Variants in VMP1 observed in about 807,000 individuals in gnomAD.
VMP1 encodes the protein vacuole membrane protein 1, also known as ectopic P-granules autophagy protein 3 homolog.
Under a neutral mutation model 56.0 loss-of-function variants are expected in VMP1, and 11 were observed. That is an observed-to-expected ratio of 0.20 (90% CI 0.12 to 0.32). The LOEUF is 0.32. Among genes scored for constraint, VMP1 ranks in the 10% least tolerant of loss-of-function variants. The probability of loss-of-function intolerance (pLI) is 1.00; values close to 1 mark genes in which losing one functional copy is unlikely to be tolerated. For synonymous variants in VMP1, 149 were observed against 165.0 expected (o/e 0.90, Z 0.74); for missense variants, 296 against 490.3 (o/e 0.60, Z 3.74).
At chr17:59,727,033 C>T (rs539613434) in intron 1 of VMP1, among the ~76,000 whole-genome samples, 1 of 152,284 alleles carries the variant, frequency 6.6e-6, no homozygotes, top group South Asian at 2.1e-4. Context: ...GTTTAATCCT[C>T]AACCCTCTGA....
chr17:59,736,186 C>T (rs2035007990), intron 3 of VMP1, among the ~76,000 whole-genome samples: 6 of 151,978 alleles, frequency 3.9e-5, no homozygotes, highest in Admixed American at 3.9e-4. Context: ...GTGGGTGGAT[C>T]ATCTGAGGTC....
chr17:59,799,937 C>A, intron 7 of VMP1, among the ~76,000 whole-genome samples: 1 of 100,240 alleles, frequency 1.0e-5, no homozygotes. Flanking sequence ...AAGAGTGAGA[C>A]TTCCTCTCAA....
intron 1 of VMP1, among the ~76,000 whole-genome samples, chr17:59,716,652 A>G (rs1283262963): frequency 6.6e-6 from 1 of 152,260 alleles, no homozygotes; most frequent in Non-Finnish European, 1.5e-5. Context: ...GCTAAAAGCA[A>G]GGATAAAAAT....
At chr17:59,763,596 G>A (rs1416760693) in intron 5 of VMP1, among the ~76,000 whole-genome samples, 2 of 152,042 alleles carry the variant, frequency 1.3e-5, no homozygotes, top group African/African-American at 4.8e-5. Flanking sequence ...TATCACATAT[G>A]TGTGAACAAC....
At chr17:59,818,030 G>A (rs1287342591) in intron 10 of VMP1, among the ~76,000 whole-genome samples, 2 of 151,974 alleles carry the variant, frequency 1.3e-5, no homozygotes, top group Admixed American at 6.6e-5. Flanking sequence ...GAAGCTTTGG[G>A]GTTTGAATCT....
At chr17:59,825,569 C>A (rs994578645) in intron 10 of VMP1, among the ~76,000 whole-genome samples, 4 of 152,114 alleles carry the variant, frequency 2.6e-5, no homozygotes. Context: ...GCATATGACT[C>A]GCAGCAAACC....
chr17:59,830,385 A>T (rs1039164076), intron 10 of VMP1, among the ~76,000 whole-genome samples: 1 of 152,110 alleles, frequency 6.6e-6, no homozygotes, highest in African/African-American at 2.4e-5. Flanking sequence ...AAGTACCCTG[A>T]CCTGAATCTT....
Position 59,838,310 on chromosome 17 carries a change from A to C in VMP1, c.990A>C (p.Ile330=). The stretch of plus-strand genomic sequence containing the variant: ...CTGCTTCCAGTGCTGTCCCCGGCAT[A>C]GGTCCATCTCTGCAGAAGCCATTTC... ...MVAFIGAVPG[I]GPSLQKPFQE... is the part of the protein sequence containing the mutation. The change falls in exon 11 of 12, where the codon ATA becomes ATC. Residue 330 remains isoleucine, a synonymous_variant. Coordinates refer to ENST00000262291, the MANE Select transcript of VMP1 (RefSeq NM_030938.5). 6.2e-7 allele frequency: 1 copy of C among 1,613,970 alleles called. No individual in the cohort carries two copies. The highest frequency in any genetic ancestry group is 8.5e-7 in the Non-Finnish European group (1 of 1,180,000).
chr17:59,764,466 G>A (rs896881373), intron 5 of VMP1, among the ~76,000 whole-genome samples: 5 of 152,146 alleles, frequency 3.3e-5, no homozygotes. Context: ...TGGGACTACA[G>A]GCACATGCCA....
At chr17:59,738,753 G>A (rs955539902) in intron 4 of VMP1, 84 bp from the exon 5 acceptor site, 3 of 1,024,452 alleles carry the variant, frequency 2.9e-6, no homozygotes, top group African/African-American at 3.3e-5. Flanking sequence ...ACTTACTTTA[G>A]TTGATTTAAT....
chr17:59,724,968 A>G (rs2034544188), intron 1 of VMP1, among the ~76,000 whole-genome samples: 1 of 141,450 alleles, frequency 7.1e-6, no homozygotes, highest in South Asian at 2.5e-4. Flanking sequence ...TCTGTCTCAA[A>G]AAAAAAAACA....
intron 9 of VMP1, among the ~76,000 whole-genome samples, chr17:59,815,548 A>G (rs1184471936): frequency 6.8e-6 from 1 of 146,226 alleles, no homozygotes; most frequent in Admixed American, 7.0e-5. Context: ...TAATAACTGA[A>G]TCTGTCTTAA....
chr17:59,813,055 A>G (rs1341910074), intron 9 of VMP1, among the ~76,000 whole-genome samples: 1 of 152,208 alleles, frequency 6.6e-6, no homozygotes, highest in Admixed American at 6.5e-5. Flanking sequence ...GAAGGGAAGA[A>G]TGAAACAGGA....
intron 9 of VMP1, among the ~76,000 whole-genome samples, chr17:59,815,114 A>G (rs2038180818): frequency 6.6e-6 from 1 of 151,994 alleles, no homozygotes; most frequent in Non-Finnish European, 1.5e-5. Flanking sequence ...ATTTTTATTG[A>G]TGTCTTCCTC....
intron 10 of VMP1, among the ~76,000 whole-genome samples, chr17:59,822,895 A>C (rs2038502660): frequency 6.6e-6 from 1 of 152,152 alleles, no homozygotes; most frequent in South Asian, 2.1e-4. Context: ...CTGGAAACAT[A>C]GTAAGACTCT....
At chr17:59,710,809 G>C (rs538225729) in intron 1 of VMP1, among the ~76,000 whole-genome samples, 1 of 152,242 alleles carries the variant, frequency 6.6e-6, no homozygotes, top group South Asian at 2.1e-4. Flanking sequence ...CGTGGCTCAC[G>C]CCTGTAATCC....
At chr17:59,804,615 T>TAAA (rs35616891) in intron 7 of VMP1, among the ~76,000 whole-genome samples, 20 of 70,024 alleles carry the variant, frequency 2.9e-4, no homozygotes, top group East Asian at 3.9e-4. Flanking sequence ...AGACTCCAGC[T>TAAA]AAAAAAAAAA....
At chr17:59,772,892 T>C (rs1003940753) in intron 6 of VMP1, among the ~76,000 whole-genome samples, 2 of 151,108 alleles carry the variant, frequency 1.3e-5, no homozygotes, top group African/African-American at 2.4e-5. Context: ...TAAAGCAACT[T>C]CTGAAGTTCC....
At chr17:59,788,362 C>T (rs1598394834) in intron 7 of VMP1, among the ~76,000 whole-genome samples, 7 of 151,748 alleles carry the variant, frequency 4.6e-5, no homozygotes, top group East Asian at 3.9e-4. Context: ...TGGAGAGCTC[C>T]GGTAGTCCCA....
Sources: allele counts gnomAD v4.1 joint callset (sites outside exome capture counted in the v4.1 genomes callset), GRCh38; gene constraint gnomAD v4.1.1; transcripts MANE v1.5; gene names NCBI Gene and HGNC (gene_info 2026-07-23, HGNC 2026-07-21).